The following PRELID2 variants were observed in gnomAD, a reference collection of about 807,000 sequenced individuals.
PRELID2 encodes PRELI domain containing 2.
Under a neutral mutation model 28.4 loss-of-function variants are expected in PRELID2, and 25 were observed. That is an observed-to-expected ratio of 0.88 (90% confidence interval 0.64 to 1.23). The LOEUF is 1.23. PRELID2 is among the 50% of genes most tolerant of loss of function. The pLI is 0.00. For synonymous variants in PRELID2, 76 were observed against 71.6 expected (o/e 1.06, Z -0.31); for missense variants, 201 against 214.4 (o/e 0.94, Z 0.39).
At chr5:145,728,318 A>C in intron 1 of PRELID2, 1 of 300,434 alleles carries the variant, frequency 3.3e-6, no homozygotes, top group East Asian at 7.7e-5. Flanking sequence ...GTCCCTGTCT[A>C]TCTATCTCTA....
the PRELID2 span, among the ~76,000 whole-genome samples, chr5:145,365,937 T>A: frequency 3.3e-5 from 5 of 151,922 alleles, no homozygotes; most frequent in African/African-American, 1.2e-4. Context: ...GGTTCTCTGA[T>A]AAATATAAGT....
the PRELID2 span, among the ~76,000 whole-genome samples, chr5:145,289,182 A>G: frequency 6.6e-6 from 1 of 152,104 alleles, no homozygotes; most frequent in Non-Finnish European, 1.5e-5. Flanking sequence ...TGCTTGCTGT[A>G]AAGTCCTATG....
At chr5:145,433,026 T>C in the PRELID2 span, among the ~76,000 whole-genome samples, 550 of 152,110 alleles carry the variant, frequency 3.6e-3, 33 homozygotes, top group East Asian at 0.086. Flanking sequence ...GAAGGGAAAA[T>C]GATACCAACA....
chr5:145,724,144 G>A (rs961907078), intron 1 of PRELID2, among the ~76,000 whole-genome samples: 13 of 152,084 alleles, frequency 8.5e-5, no homozygotes, highest in African/African-American at 2.9e-4. Flanking sequence ...ATTACAAAGG[G>A]AAAAATGGTT....
chr5:145,796,622 G>A (rs1752769785), intron 4 of PRELID2, 75 bp from the exon 5 acceptor site: 1 of 765,128 alleles, frequency 1.3e-6, no homozygotes, highest in Non-Finnish European at 2.1e-6. Context: ...ATTTCTAGCT[G>A]CATAATTACC....
chr5:145,679,876 A>G (rs1024688429), intron 1 of PRELID2, among the ~76,000 whole-genome samples: 1 of 149,976 alleles, frequency 6.7e-6, no homozygotes, highest in East Asian at 1.9e-4. Flanking sequence ...AACTAATTTT[A>G]TACAAATAAT....
intron 1 of PRELID2, among the ~76,000 whole-genome samples, chr5:145,634,380 A>T (rs1190076267): frequency 6.6e-6 from 1 of 152,128 alleles, no homozygotes; most frequent in Non-Finnish European, 1.5e-5. Flanking sequence ...ATGTTCTATG[A>T]TCCCCTTGTC....
At chr5:145,374,207 G>T in the PRELID2 span, among the ~76,000 whole-genome samples, 4 of 151,824 alleles carry the variant, frequency 2.6e-5, no homozygotes, top group Non-Finnish European at 5.9e-5. Flanking sequence ...GCATTTGCTT[G>T]TCTGGGAAGG....
chr5:145,618,330 A>G (rs1753729227), intron 1 of PRELID2, among the ~76,000 whole-genome samples: 1 of 152,186 alleles, frequency 6.6e-6, no homozygotes, highest in South Asian at 2.1e-4. Flanking sequence ...GGGAAGGTCT[A>G]GGGCTGAAGG....
chr5:145,239,590 T>C, the PRELID2 span, among the ~76,000 whole-genome samples: 1 of 152,150 alleles, frequency 6.6e-6, no homozygotes, highest in Admixed American at 6.6e-5. Flanking sequence ...TGAATTGAAT[T>C]AAATCAAATT....
chr5:145,514,350 T>C (rs1032038686), intron 1 of PRELID2, among the ~76,000 whole-genome samples: 3 of 143,962 alleles, frequency 2.1e-5, no homozygotes, highest in Admixed American at 6.9e-5. Context: ...GTTGCAATCC[T>C]AGTCTCTGAT....
chr5:145,647,025 C>T (rs1049423150), intron 1 of PRELID2, among the ~76,000 whole-genome samples: 4 of 152,262 alleles, frequency 2.6e-5, no homozygotes, highest in Admixed American at 6.5e-5. Flanking sequence ...GCATTCTGAC[C>T]CTTAGCAGAG....
the PRELID2 span, among the ~76,000 whole-genome samples, chr5:145,398,934 C>T: frequency 6.6e-6 from 1 of 152,004 alleles, no homozygotes; most frequent in East Asian, 1.9e-4. Context: ...AAAAAGGTTT[C>T]AGGGAAAAGG....
rs1302901242 is a variant in PRELID2, at chr5:145,672,887, T to C, written n.70+92044A>G. 4.6e-5 allele frequency among the ~76,000 whole-genome samples: 7 copies of C among 152,204 alleles called. No homozygotes were observed. In the East Asian group the frequency reaches 1.3e-3, roughly 29 times the overall value. On this transcript the variant is annotated intron_variant and non_coding_transcript_variant, in intron 1 of 2. Coordinates refer to the PRELID2 transcript ENST00000510259. ...TTTTCATTACTGACATCCAATTTTATTTGAATTATAAAACTTTTTTAGAAT... is the reference window on the plus strand; with the variant it reads ...TTTTCATTACTGACATCCAATTTTACTTGAATTATAAAACTTTTTTAGAAT...
rs138236300 is a variant in PRELID2, at chr5:145,646,842, G to C, written n.70+118089C>G. 6.7e-3 allele frequency among the ~76,000 whole-genome samples: 1,020 copies of C among 152,332 alleles called. 6 individuals carry two copies. Among genetic ancestry groups the C allele is most frequent in the Middle Eastern group, 0.017 (5 of 294 alleles). ...GACCCTGTTTGCCTGCGTATCACCA[G>C]CGGAGGCTGCAGTACAGCATAGATT... is the stretch of plus-strand genomic sequence containing the variant. On this transcript the variant is annotated intron_variant and non_coding_transcript_variant, in intron 1 of 2. Transcript: ENST00000510259.
the PRELID2 span, chr5:145,229,985 G>C: frequency 2.7e-6 from 2 of 737,726 alleles, no homozygotes; most frequent in Non-Finnish European, 2.5e-6. Context: ...ATGACACCGG[G>C]TTCATCAACA....
At chr5:145,508,604 G>T (rs13176856) in intron 1 of PRELID2, among the ~76,000 whole-genome samples, 28,396 of 151,954 alleles carry the variant, frequency 0.19, 3,023 homozygotes, top group South Asian at 0.37. Context: ...CATTGTGTCT[G>T]TCCCTACAGG....
the PRELID2 span, among the ~76,000 whole-genome samples, chr5:145,234,684 T>C: frequency 6.6e-6 from 1 of 152,148 alleles, no homozygotes; most frequent in African/African-American, 2.4e-5. Context: ...ATCTATTCCA[T>C]GAATACTTAC....
intron 1 of PRELID2, among the ~76,000 whole-genome samples, chr5:145,689,921 C>T (rs1057286550): frequency 2.0e-5 from 3 of 151,238 alleles, no homozygotes; most frequent in Non-Finnish European, 4.4e-5. Flanking sequence ...AACAATGGCT[C>T]TTTGGTAATC....
Sources: gnomAD v4.1 joint callset for allele counts (sites outside exome capture counted in the v4.1 genomes callset) on GRCh38, gnomAD v4.1.1 for gene constraint, MANE v1.5 for transcripts, NCBI Gene and HGNC (gene_info 2026-07-23, HGNC 2026-07-21) for gene names.